Variants in CNTN5 observed in about 807,000 individuals in gnomAD.
CNTN5 encodes contactin-5.
Under a neutral mutation model 129.1 loss-of-function variants are expected in CNTN5, and 77 were observed. The observed-to-expected ratio is 0.60, with a 90% CI of 0.50 to 0.72. The LOEUF (loss-of-function observed/expected upper bound fraction) is 0.72, where lower values mean the gene tolerates loss of function less well. Among genes scored for constraint, CNTN5 ranks in the 30% least tolerant of loss-of-function variants. The probability of loss-of-function intolerance (pLI) is 0.00; values close to 1 mark genes in which losing one functional copy is unlikely to be tolerated. For missense variants in CNTN5, 1,478 were observed against 1,328.8 expected (o/e 1.11, Z -1.75); for synonymous variants, 509 against 465.6 (o/e 1.09, Z -1.20).
chr11:99,421,693 TA>T lies in CNTN5; in HGVS notation c.-71+96210del, dbSNP rs542947380. ...ATTATGAGCTTTATAAATATACATT[TA>T]GGGGTAATTTCTGCAATATTTTCTT... On this transcript the variant is annotated intron_variant, in intron 2 of 24. Coordinates refer to ENST00000524871, the MANE Select transcript of CNTN5 (RefSeq NM_014361.4). Among the ~76,000 whole-genome samples, 506 of 152,302 alleles carry T rather than the reference TA, an allele frequency of 3.3e-3. 5 individuals are homozygous for T. Among genetic ancestry groups the T allele is most frequent in the Non-Finnish European group, 5.6e-3 (382 of 68,010 alleles).
intron 6 of CNTN5, among the ~76,000 whole-genome samples, chr11:99,853,760 A>G (rs913357347): frequency 6.6e-6 from 1 of 152,108 alleles, no homozygotes; most frequent in African/African-American, 2.4e-5. Context: ...AACATATTTG[A>G]TGCACCACCA....
At chr11:99,664,720 C>T (rs1591444763) in intron 3 of CNTN5, among the ~76,000 whole-genome samples, 1 of 152,036 alleles carries the variant, frequency 6.6e-6, no homozygotes, top group African/African-American at 2.4e-5. Context: ...AGTCAATGCC[C>T]AAATGTATTA....
chr11:99,110,631 T>A (rs1273215597), intron 1 of CNTN5, among the ~76,000 whole-genome samples: 1 of 152,146 alleles, frequency 6.6e-6, no homozygotes, highest in Non-Finnish European at 1.5e-5. Context: ...AATATCCCCT[T>A]TGGTTTTTCA....
At chr11:99,180,724 C>T (rs1858010893) in intron 1 of CNTN5, among the ~76,000 whole-genome samples, 1 of 152,100 alleles carries the variant, frequency 6.6e-6, no homozygotes, top group South Asian at 2.1e-4. Context: ...GGAAAATACC[C>T]TTACAGATAC....
chr11:99,485,148 T>C (rs892111721), intron 2 of CNTN5, among the ~76,000 whole-genome samples: 9 of 152,094 alleles, frequency 5.9e-5, no homozygotes, highest in Non-Finnish European at 1.2e-4. Flanking sequence ...ACATTACATT[T>C]ATTTCAACAT....
intron 1 of CNTN5, among the ~76,000 whole-genome samples, chr11:99,284,214 A>C (rs1863823702): frequency 6.6e-6 from 1 of 152,132 alleles, no homozygotes; most frequent in African/African-American, 2.4e-5. Context: ...GAGTTCCTTT[A>C]AAATTCTAGA....
At chr11:99,567,176 C>T (rs765404433) in intron 3 of CNTN5, among the ~76,000 whole-genome samples, 7 of 152,110 alleles carry the variant, frequency 4.6e-5, no homozygotes, top group Admixed American at 6.6e-5. Context: ...AATGGGAGGA[C>T]TGTCTCCTGT....
At chr11:99,596,157 A>G (rs746996824) in intron 3 of CNTN5, among the ~76,000 whole-genome samples, 2 of 152,130 alleles carry the variant, frequency 1.3e-5, no homozygotes, top group Non-Finnish European at 2.9e-5. Context: ...CAAGAAGACC[A>G]TTACTAAATT....
At chr11:99,227,870 G>A (rs1200695004) in intron 1 of CNTN5, among the ~76,000 whole-genome samples, 3 of 152,046 alleles carry the variant, frequency 2.0e-5, no homozygotes, top group African/African-American at 7.2e-5. Context: ...GATTTATGAT[G>A]TAGTTACACT....
intron 2 of CNTN5, among the ~76,000 whole-genome samples, chr11:99,511,664 T>A (rs949065754): frequency 6.6e-6 from 1 of 151,766 alleles, no homozygotes; most frequent in Non-Finnish European, 1.5e-5. Context: ...CCCATTATTA[T>A]TGTGTGGGAA....
At chr11:99,046,053 G>A (rs1864192749) in intron 1 of CNTN5, among the ~76,000 whole-genome samples, 2 of 152,116 alleles carry the variant, frequency 1.3e-5, no homozygotes, top group African/African-American at 4.8e-5. Context: ...AGTCTAAGGA[G>A]TGAGACCTGG....
Position 99,951,485 on chromosome 11 carries a change from A to G in CNTN5, c.674-5321A>G, listed in dbSNP as rs79938097. 4.2e-3 allele frequency among the ~76,000 whole-genome samples: 632 copies of G among 152,216 alleles called. 2 individuals are homozygous for G. Among genetic ancestry groups the G allele is most frequent in the African/African-American group, 0.015 (603 of 41,538 alleles). On this transcript the variant is annotated intron_variant, in intron 7 of 24. Coordinates refer to ENST00000524871, the MANE Select transcript of CNTN5 (RefSeq NM_014361.4). ...ATCCATTAAATAACTTGAGCTGCCAATCAGCTTCTTCAACAGAATATTAAT... is the reference window on the plus strand; with the variant it reads ...ATCCATTAAATAACTTGAGCTGCCAGTCAGCTTCTTCAACAGAATATTAAT...
intron 7 of CNTN5, among the ~76,000 whole-genome samples, chr11:99,923,205 C>T (rs1949978844): frequency 1.3e-5 from 2 of 152,118 alleles, no homozygotes; most frequent in Admixed American, 1.3e-4. Context: ...ATATTAATCT[C>T]TGTCAGCAAC....
At chr11:99,514,531 C>T (rs1946969846) in intron 2 of CNTN5, among the ~76,000 whole-genome samples, 1 of 151,956 alleles carries the variant, frequency 6.6e-6, no homozygotes, top group African/African-American at 2.4e-5. Flanking sequence ...TTGCCACAGC[C>T]ATCTCAACCT....
At chr11:99,104,762 G>C (rs1218526692) in intron 1 of CNTN5, among the ~76,000 whole-genome samples, 1 of 152,014 alleles carries the variant, frequency 6.6e-6, no homozygotes, top group Non-Finnish European at 1.5e-5. Flanking sequence ...ATCAGGACTG[G>C]GGTGAGGTGA....
At chr11:99,620,021 GTC>G (rs1260642282) in intron 3 of CNTN5, among the ~76,000 whole-genome samples, 6 of 41,862 alleles carry the variant, frequency 1.4e-4, no homozygotes, top group Admixed American at 4.2e-4. Flanking sequence ...GCAAGACTCC[GTC>G]TCAAAAAAAA....
intron 6 of CNTN5, among the ~76,000 whole-genome samples, chr11:99,909,501 CAT>C (rs199730731): frequency 0.011 from 1,742 of 152,214 alleles, 31 homozygotes; most frequent in African/African-American, 0.04. Context: ...GCTCTAAAGA[CAT>C]ATACACACGT....
At chr11:99,727,262 C>T (rs964465674) in intron 3 of CNTN5, among the ~76,000 whole-genome samples, 1 of 129,398 alleles carries the variant, frequency 7.7e-6, no homozygotes, top group African/African-American at 3.0e-5. Context: ...GCCGAGATTG[C>T]GCCACTGCAG....
chr11:99,944,825 C>G (rs1024514107), intron 7 of CNTN5, among the ~76,000 whole-genome samples: 3 of 152,050 alleles, frequency 2.0e-5, no homozygotes, highest in Non-Finnish European at 2.9e-5. Flanking sequence ...GGGACCTCTT[C>G]AAGAACTACA....
Sources: gnomAD v4.1 joint callset for allele counts (sites outside exome capture counted in the v4.1 genomes callset) on GRCh38, gnomAD v4.1.1 for gene constraint, MANE v1.5 for transcripts, NCBI Gene and HGNC (gene_info 2026-07-23, HGNC 2026-07-21) for gene names.